Variants in PCDHA5 observed in about 807,000 individuals in gnomAD.
PCDHA5 encodes protocadherin alpha-5.
Under a neutral mutation model 61.6 loss-of-function variants are expected in PCDHA5, and 43 were observed. The observed-to-expected ratio is 0.70, with a 90% CI of 0.55 to 0.90. The LOEUF is 0.90. Among genes scored for constraint, PCDHA5 ranks in the 40% least tolerant of loss-of-function variants. PCDHA5 has a pLI of 0.00. For missense variants in PCDHA5, 1,298 were observed against 1,222.7 expected (o/e 1.06, Z -0.92); for synonymous variants, 627 against 543.9 (o/e 1.15, Z -2.13).
chr5:140,834,637 T>C lies in PCDHA5; in HGVS notation c.2352+10510T>C, dbSNP rs2150223178. 78 of 1,614,168 alleles carry C rather than the reference T, an allele frequency of 4.8e-5. No individual in the cohort carries two copies. The highest frequency in any genetic ancestry group is 1.7e-4 in the Middle Eastern group (1 of 6,058). ...GTAAATCTGCAGAATGGCATTTTGTTTGTGAATTCTCGGATCGACCGCGAG... is the reference window on the plus strand; with the variant it reads ...GTAAATCTGCAGAATGGCATTTTGTCTGTGAATTCTCGGATCGACCGCGAG... On this transcript the variant is annotated intron_variant, in intron 1 of 3. Transcript: ENST00000529859.
chr5:140,967,503 G>A (rs369053625), intron 1 of PCDHA5: 14 of 1,612,820 alleles, frequency 8.7e-6, no homozygotes, highest in African/African-American at 2.7e-5. Flanking sequence ...ATCTCTGTGC[G>A]TGTCCTGGAC....
chr5:140,932,421 G>T (rs530079640), intron 1 of PCDHA5, among the ~76,000 whole-genome samples: 1 of 151,878 alleles, frequency 6.6e-6, no homozygotes, highest in Non-Finnish European at 1.5e-5. Context: ...TTAGTGTATT[G>T]TTCACCTGGA....
At chr5:140,844,484 A>G (rs1442751127) in intron 1 of PCDHA5, among the ~76,000 whole-genome samples, 1 of 149,426 alleles carries the variant, frequency 6.7e-6, no homozygotes, top group Non-Finnish European at 1.5e-5. Context: ...CTCTATGTTT[A>G]GGAAATGATT....
intron 1 of PCDHA5, chr5:140,842,916 A>T: frequency 6.3e-7 from 1 of 1,594,694 alleles, no homozygotes; most frequent in East Asian, 2.2e-5. Flanking sequence ...GAGCTGCTGC[A>T]GTTCCAGGTG....
At chr5:140,904,176 C>T (rs782427504) in intron 1 of PCDHA5, among the ~76,000 whole-genome samples, 31 of 152,098 alleles carry the variant, frequency 2.0e-4, no homozygotes, top group African/African-American at 6.7e-4. Context: ...TTTTATTCCT[C>T]ACCCCCTTCC....
chr5:140,927,191 T>C, intron 1 of PCDHA5: 16 of 1,614,144 alleles, frequency 9.9e-6, no homozygotes, highest in Non-Finnish European at 1.4e-5. Context: ...TACGACCTGG[T>C]GCTCGAGGAC....
rs544594142 is a variant in PCDHA5, at chr5:141,011,456, T to C, written c.*1519T>C. On this transcript the variant is annotated 3_prime_UTR_variant, in exon 4 of 4. Transcript: ENST00000529859. Reference sequence around the variant, plus strand: ...TACCTAGAGTGAACTTTAAGCTTTATTGTTGAATGTAATTCCATTATATTT... The same window carrying C: ...TACCTAGAGTGAACTTTAAGCTTTACTGTTGAATGTAATTCCATTATATTT... The C allele has an allele frequency of 1.3e-5, 2 of 153,928 alleles. No homozygotes were observed. The highest frequency in any genetic ancestry group is 6.8e-3 in the Middle Eastern group (2 of 292). 9.5% of individuals were successfully genotyped at this position (153,928 alleles called of 1,614,324 possible).
At chr5:140,837,629 C>CT (rs2150277750) in intron 1 of PCDHA5, among the ~76,000 whole-genome samples, 8 of 148,948 alleles carry the variant, frequency 5.4e-5, no homozygotes, top group Admixed American at 1.3e-4. Flanking sequence ...TCCTTCCTTC[C>CT]TTCCTTTCTT....
At chr5:140,926,938 G>C in intron 1 of PCDHA5, 1 of 1,581,492 alleles carries the variant, frequency 6.3e-7, no homozygotes. Context: ...GGTTTCCTGC[G>C]GCGCTGCAGC....
chr5:140,844,321 A>T lies in PCDHA5; in HGVS notation c.2352+20194A>T, dbSNP rs1407685280. Reference sequence around the variant, plus strand: ...TAGTTTTCATATTCTTCCTAATTTTATTATAAACTAGTTAAAAAGTAAAAT... The same window carrying T: ...TAGTTTTCATATTCTTCCTAATTTTTTTATAAACTAGTTAAAAAGTAAAAT... On this transcript the variant is annotated intron_variant, in intron 1 of 3. Coordinates refer to ENST00000529859, the MANE Select transcript of PCDHA5 (RefSeq NM_018908.3). Among the ~76,000 whole-genome samples the T allele has an allele frequency of 6.0e-5, 9 of 149,650 alleles. 1 individual carries two copies. Among genetic ancestry groups the T allele is most frequent in the African/African-American group, 2.2e-4 (9 of 41,032 alleles).
intron 1 of PCDHA5, chr5:140,967,338 A>G: frequency 3.7e-6 from 6 of 1,607,948 alleles, no homozygotes; most frequent in Non-Finnish European, 4.3e-6. Flanking sequence ...AGCCCCAGCG[A>G]GCACTTCGAG....
At chr5:140,870,181 G>C in intron 1 of PCDHA5, 1 of 1,614,160 alleles carries the variant, frequency 6.2e-7, no homozygotes, top group Non-Finnish European at 8.5e-7. Context: ...CCCAGTACGA[G>C]AGGACGCTCA....
rs1554144146 is a variant in PCDHA5, at chr5:140,850,293, G to A, written c.2352+26166G>A. 7.5e-6 allele frequency: 12 copies of A among 1,596,282 alleles called. 1 individual carries two copies. Among genetic ancestry groups the A allele is most frequent in the Non-Finnish European group, 1.0e-5 (12 of 1,167,618 alleles). ...GGGGAAGGTGCGCGCAGTGGACGCC[G>A]ACTCGGGCTACAACGCGTGGCTTTC... On this transcript the variant is annotated intron_variant, in intron 1 of 3. Transcript: ENST00000529859.
intron 1 of PCDHA5, among the ~76,000 whole-genome samples, chr5:140,906,351 C>A (rs966982758): frequency 3.9e-5 from 6 of 152,128 alleles, no homozygotes; most frequent in Non-Finnish European, 5.9e-5. Context: ...CAAGAATGCA[C>A]CAATTCCCAA....
chr5:141,009,116 T>C (rs1382527068), intron 3 of PCDHA5, among the ~76,000 whole-genome samples: 1 of 152,236 alleles, frequency 6.6e-6, no homozygotes, highest in African/African-American at 2.4e-5. Flanking sequence ...TGAAACTAGA[T>C]TCTTGGTATC....
At position 140,927,035 on chromosome 5, in the gene PCDHA5, C is replaced by A. The variant is rs1554203936; in HGVS notation, c.2353-51914C>A. 2 of 1,612,296 alleles carry A rather than the reference C, an allele frequency of 1.2e-6. No homozygotes were observed. The highest frequency in any genetic ancestry group is 1.7e-6 in the Non-Finnish European group (2 of 1,178,902). Reference sequence around the variant, plus strand: ...TCCGCGGACTTGAGGCTGCCAGCGGCCGCTATGTCCTCGCGGAACTTTCGC... The same window carrying A: ...TCCGCGGACTTGAGGCTGCCAGCGGACGCTATGTCCTCGCGGAACTTTCGC... On this transcript the variant is annotated intron_variant, in intron 1 of 3. Transcript: ENST00000529859.
intron 1 of PCDHA5, chr5:140,841,844 CATG>C (rs2150323969): frequency 6.2e-7 from 1 of 1,613,842 alleles, no homozygotes; most frequent in Non-Finnish European, 8.5e-7. Flanking sequence ...GCTTAGCTCT[CATG>C]ATTACTTCAT....
chr5:140,837,460 G>A (rs2150141340), intron 1 of PCDHA5, among the ~76,000 whole-genome samples: 1 of 151,718 alleles, frequency 6.6e-6, no homozygotes, highest in East Asian at 1.9e-4. Context: ...AAATCTCCTT[G>A]CCTCCTCAAA....
chr5:140,946,374 C>T (rs1371899868), intron 1 of PCDHA5, among the ~76,000 whole-genome samples: 5 of 151,656 alleles, frequency 3.3e-5, no homozygotes, highest in African/African-American at 9.7e-5. Flanking sequence ...CTCTTGCACA[C>T]GGTTGGTAGG....
Sources: gnomAD v4.1 joint callset for allele counts (sites outside exome capture counted in the v4.1 genomes callset) on GRCh38, gnomAD v4.1.1 for gene constraint, MANE v1.5 for transcripts, NCBI Gene and HGNC (gene_info 2026-07-23, HGNC 2026-07-21) for gene names.